The following ST6GAL1 variants were observed in gnomAD, a reference collection of about 807,000 sequenced individuals.
The protein encoded by ST6GAL1 is beta-galactoside alpha-2,6-sialyltransferase 1.
Under a neutral mutation model 38.0 loss-of-function variants are expected in ST6GAL1, and 20 were observed. The ratio of observed to expected loss-of-function variants is 0.53; its 90% CI spans 0.37 to 0.77. The LOEUF is 0.77. Ranked by LOEUF, ST6GAL1 falls within the 30% of genes least tolerant of loss-of-function variation. ST6GAL1 has a pLI of 0.00. For missense variants in ST6GAL1, 432 were observed against 496.4 expected (o/e 0.87, Z 1.23); for synonymous variants, 196 against 188.2 (o/e 1.04, Z -0.34).
At chr3:187,018,258 T>C (rs1373727249) in intron 2 of ST6GAL1, among the ~76,000 whole-genome samples, 3 of 152,158 alleles carry the variant, frequency 2.0e-5, no homozygotes, top group East Asian at 3.9e-4. Context: ...TAATTTTGCC[T>C]AGTTAGGGGC....
chr3:186,972,017 T>A (rs1715365369), intron 2 of ST6GAL1, among the ~76,000 whole-genome samples: 1 of 152,212 alleles, frequency 6.6e-6, no homozygotes, highest in Non-Finnish European at 1.5e-5. Flanking sequence ...TGACAGTGAA[T>A]GATGATATTG....
chr3:186,967,184 GT>G (rs1218287755), intron 2 of ST6GAL1, among the ~76,000 whole-genome samples: 1 of 152,136 alleles, frequency 6.6e-6, no homozygotes, highest in Non-Finnish European at 1.5e-5. Flanking sequence ...CTGAAGAGGT[GT>G]TTTTTTGTTT....
intron 2 of ST6GAL1, among the ~76,000 whole-genome samples, chr3:186,995,505 CAAAAA>C (rs200317857): frequency 3.7e-5 from 1 of 26,780 alleles, no homozygotes; most frequent in African/African-American, 1.4e-4. Context: ...GACACCATCT[CAAAAA>C]AAAAATAATA....
chr3:186,939,558 A>G (rs1714088787), intron 1 of ST6GAL1, among the ~76,000 whole-genome samples: 1 of 152,188 alleles, frequency 6.6e-6, no homozygotes, highest in Non-Finnish European at 1.5e-5. Context: ...ATATTTGTAA[A>G]CATTTTGTGA....
Position 187,051,176 on chromosome 3 carries a change from G to A in ST6GAL1, c.608-73G>A, listed in dbSNP as rs889549396. On this transcript the variant is annotated intron_variant, in intron 4 of 7. Transcript: ENST00000169298. Reference sequence around the variant, plus strand: ...GCATTATTCCCTTGCCCCCTCCCCCGCCTCTCGTCTTTCTCTTTTTCTGCA... The same window carrying A: ...GCATTATTCCCTTGCCCCCTCCCCCACCTCTCGTCTTTCTCTTTTTCTGCA... 782 of 1,101,140 alleles carry A rather than the reference G, an allele frequency of 7.1e-4. 3 individuals carry two copies. The highest frequency in any genetic ancestry group is 8.6e-4 in the Non-Finnish European group (632 of 734,834). 68.2% of individuals were successfully genotyped at this position (1,101,140 alleles called of 1,614,324 possible). A position where few individuals can be genotyped will look rare whatever the true frequency, so the allele number is the denominator to read the frequency against.
At chr3:186,962,623 T>G (rs1424471184) in intron 1 of ST6GAL1, among the ~76,000 whole-genome samples, 1 of 152,180 alleles carries the variant, frequency 6.6e-6, no homozygotes, top group African/African-American at 2.4e-5. Context: ...CTAAGACTGT[T>G]CAGAAGCCTG....
intron 5 of ST6GAL1, among the ~76,000 whole-genome samples, chr3:187,066,482 G>A (rs560919418): frequency 6.6e-6 from 1 of 152,178 alleles, no homozygotes; most frequent in African/African-American, 2.4e-5. Flanking sequence ...TAGGGATTAG[G>A]GCTTCAACAT....
At chr3:187,072,719 G>A in intron 5 of ST6GAL1, 130 bp from the exon 6 acceptor site, 1 of 798,002 alleles carries the variant, frequency 1.3e-6, no homozygotes. Context: ...GTTAAGTGCT[G>A]CACCAGAACT....
chr3:186,956,527 C>T (rs1714756229), intron 1 of ST6GAL1, among the ~76,000 whole-genome samples: 1 of 152,212 alleles, frequency 6.6e-6, no homozygotes, highest in African/African-American at 2.4e-5. Context: ...GGAAAGTCCA[C>T]ATGCTCACCA....
At chr3:186,973,116 A>C (rs1277396041) in intron 2 of ST6GAL1, among the ~76,000 whole-genome samples, 1 of 151,792 alleles carries the variant, frequency 6.6e-6, no homozygotes, top group East Asian at 1.9e-4. Flanking sequence ...GCTCACTGCA[A>C]CCTCCGCCTC....
intron 5 of ST6GAL1, among the ~76,000 whole-genome samples, chr3:187,056,904 C>A (rs954095660): frequency 9.2e-5 from 14 of 152,190 alleles, no homozygotes; most frequent in African/African-American, 3.4e-4. Flanking sequence ...TGTTTTCCAA[C>A]TTGGATCCAT....
chr3:186,987,892 T>C (rs1487554681), intron 2 of ST6GAL1, among the ~76,000 whole-genome samples: 1 of 152,236 alleles, frequency 6.6e-6, no homozygotes, highest in African/African-American at 2.4e-5. Flanking sequence ...TTGGGGCTCG[T>C]ATTTAAAAGC....
chr3:187,014,143 G>A (rs1036390583), intron 2 of ST6GAL1, among the ~76,000 whole-genome samples: 2 of 152,224 alleles, frequency 1.3e-5, no homozygotes, highest in Non-Finnish European at 2.9e-5. Flanking sequence ...CCTCACTGCA[G>A]TCCTGTGAAG....
In ST6GAL1 at chr3:186,999,442, C is replaced by CAG. The variant is rs1716538675; in HGVS notation, c.-183+35517_-183+35518insGA. On this transcript the variant is annotated intron_variant, in intron 2 of 7. Coordinates refer to ENST00000169298, the MANE Select transcript of ST6GAL1 (RefSeq NM_173216.2). ...TTTTTTTTTTTTTGAGACGGAGTCTCACTCCGTAGCCCAGACTGGAGTGCA... is the reference window on the plus strand; with the variant it reads ...TTTTTTTTTTTTTGAGACGGAGTCTCAGACTCCGTAGCCCAGACTGGAGTGCA... 1.4e-4 allele frequency among the ~76,000 whole-genome samples: 21 copies of CAG among 145,016 alleles called. No homozygotes were observed. The South Asian group carries it at 4.3e-3, about 30-fold the overall frequency.
At chr3:187,026,174 T>C (rs1717529713) in intron 2 of ST6GAL1, among the ~76,000 whole-genome samples, 1 of 152,282 alleles carries the variant, frequency 6.6e-6, no homozygotes, top group Admixed American at 6.5e-5. Flanking sequence ...ATCATGCTTC[T>C]GACCTTTGCT....
At position 187,076,658 on chromosome 3, in the gene ST6GAL1, A is replaced by G. The variant is rs1038459428; in HGVS notation, c.*855A>G. 1 of 396,294 alleles carries G rather than the reference A, an allele frequency of 2.5e-6. No homozygotes were observed. Among genetic ancestry groups the G allele is most frequent in the Non-Finnish European group, 4.4e-6 (1 of 225,298 alleles). The allele number at this position is 396,294 out of a possible 1,614,324, so 24.5% of individuals were successfully genotyped here. A position where few individuals can be genotyped will look rare whatever the true frequency, so the allele number is the denominator to read the frequency against. Reference sequence around the variant, plus strand: ...GCTTTATAGCACAGGGGGCATTCAGATGAGTCTTAGAGGAAGAGAAGAAAC... The same window carrying G: ...GCTTTATAGCACAGGGGGCATTCAGGTGAGTCTTAGAGGAAGAGAAGAAAC... On this transcript the variant is annotated 3_prime_UTR_variant, in exon 8 of 8. Transcript: ENST00000169298.
chr3:186,984,123 G>C lies in ST6GAL1; in HGVS notation c.-183+20197G>C, dbSNP rs114775322. ...CTAGTTGCTTGGGCTCCAACCCTTG[G>C]AATCATCCTTGACTCTTCTCTCTCT... On this transcript the variant is annotated intron_variant, in intron 2 of 7. Transcript: ENST00000169298. Among the ~76,000 whole-genome samples, 993 of 151,790 alleles carry C rather than the reference G, an allele frequency of 6.5e-3. 16 individuals are homozygous for C. The highest frequency in any genetic ancestry group is 0.023 in the African/African-American group (961 of 41,466).
At chr3:187,020,516 C>G (rs1168039683) in intron 2 of ST6GAL1, among the ~76,000 whole-genome samples, 1 of 152,160 alleles carries the variant, frequency 6.6e-6, no homozygotes, top group Non-Finnish European at 1.5e-5. Flanking sequence ...TCCGGTGATG[C>G]CTTTGAAACA....
At chr3:187,064,846 G>A (rs1407922896) in intron 5 of ST6GAL1, among the ~76,000 whole-genome samples, 1 of 152,112 alleles carries the variant, frequency 6.6e-6, no homozygotes, top group East Asian at 1.9e-4. Flanking sequence ...CTGTTTCTGT[G>A]GATTAGTAAA....
Sources: gnomAD v4.1 joint callset for allele counts (sites outside exome capture counted in the v4.1 genomes callset) on GRCh38, gnomAD v4.1.1 for gene constraint, MANE v1.5 for transcripts, NCBI Gene and HGNC (gene_info 2026-07-23, HGNC 2026-07-21) for gene names.